Variants in SH3RF3 observed in about 807,000 individuals in gnomAD.
SH3RF3 encodes E3 ubiquitin-protein ligase SH3RF3.
SH3RF3 carries 29 observed loss-of-function variants against 66.3 expected under a neutral mutation model. The observed-to-expected ratio is 0.44, with a 90% CI of 0.33 to 0.60. SH3RF3 has a LOEUF of 0.60. Ranked by LOEUF, SH3RF3 falls within the 20% of genes least tolerant of loss-of-function variation. The pLI is 0.04. For missense variants in SH3RF3, 1,194 were observed against 1,190.9 expected (o/e 1.00, Z -0.04); for synonymous variants, 583 against 532.0 (o/e 1.10, Z -1.32).
chr2:109,196,931 G>A (rs774784603), intron 1 of SH3RF3, among the ~76,000 whole-genome samples: 2 of 152,158 alleles, frequency 1.3e-5, no homozygotes, highest in Admixed American at 6.6e-5. Flanking sequence ...TGAGTAGTGC[G>A]AAGGCTTCCC....
rs564853604 is a variant in SH3RF3, at chr2:109,502,195, GGGT to G, written c.*526_*528del. 6.6e-6 allele frequency: 1 copy of G among 152,630 alleles called. No individual in the cohort carries two copies. The highest frequency in any genetic ancestry group is 2.4e-5 in the African/African-American group (1 of 41,520). 9.5% of individuals were successfully genotyped at this position (152,630 alleles called of 1,614,324 possible). On this transcript the variant is annotated 3_prime_UTR_variant, in exon 10 of 10. Transcript: ENST00000309415. The stretch of plus-strand genomic sequence containing the variant: ...AGCAGGGGTGTTTGTGAGGCCCTGG[GGGT>G]GCCCCGGAAGGGGCACCCCACCGCC...
rs144089792 is a variant in SH3RF3, at chr2:109,166,408, C to T, written c.573+36295C>T. Among the ~76,000 whole-genome samples the T allele has an allele frequency of 6.6e-3, 936 of 141,910 alleles. 9 individuals carry two copies. The highest frequency in any genetic ancestry group is 0.023 in the African/African-American group (873 of 38,112). The allele number at this position is 141,910 out of a possible 152,430, so 93.1% of individuals were successfully genotyped here. On this transcript the variant is annotated intron_variant, in intron 1 of 9. Transcript: ENST00000309415. Reference sequence around the variant, plus strand: ...AGGAGAATCACTTGAACGTGGGAGGCGGAGGTTGTGGTGAGCTGAGATTGT... The same window carrying T: ...AGGAGAATCACTTGAACGTGGGAGGTGGAGGTTGTGGTGAGCTGAGATTGT...
rs970929864 is a variant in SH3RF3, at chr2:109,129,316, C to T, written c.-225C>T. ...CGCAGGCGCTGCGCTCAGGACTGGGCGGGCTCGGCTGGCCGGTCCCCGCCA... is the reference window on the plus strand; with the variant it reads ...CGCAGGCGCTGCGCTCAGGACTGGGTGGGCTCGGCTGGCCGGTCCCCGCCA... On this transcript the variant is annotated 5_prime_UTR_variant, in exon 1 of 10. Transcript: ENST00000309415. 8 of 750,546 alleles carry T rather than the reference C, an allele frequency of 1.1e-5. No homozygotes were observed. The highest frequency in any genetic ancestry group is 9.3e-5 in the African/African-American group (5 of 54,010). 46.5% of individuals were successfully genotyped at this position (750,546 alleles called of 1,614,324 possible).
At chr2:109,147,942 G>T (rs111688626) in intron 1 of SH3RF3, among the ~76,000 whole-genome samples, 5 of 152,118 alleles carry the variant, frequency 3.3e-5, no homozygotes, top group African/African-American at 7.2e-5. Flanking sequence ...GAAGAGTTTT[G>T]GGGACTAGCT....
At chr2:109,462,816 A>G (rs560180334) in intron 8 of SH3RF3, among the ~76,000 whole-genome samples, 4 of 152,304 alleles carry the variant, frequency 2.6e-5, no homozygotes, top group African/African-American at 4.8e-5. Flanking sequence ...GAAGGACATG[A>G]GATAAAACTC....
At position 109,490,530 on chromosome 2, in the gene SH3RF3, C is replaced by A. The variant is rs903574576; in HGVS notation, c.2149-75C>A. The A allele has an allele frequency of 2.5e-6, 3 of 1,187,596 alleles. No individual in the cohort carries two copies. In the Admixed American group the frequency reaches 1.0e-4, roughly 40 times the overall value. The allele number at this position is 1,187,596 out of a possible 1,614,324, so 73.6% of individuals were successfully genotyped here. On this transcript the variant is annotated intron_variant, in intron 8 of 9. Coordinates refer to ENST00000309415, the MANE Select transcript of SH3RF3 (RefSeq NM_001099289.3). ...AAATAAAGTTCCACATAGGAAGATG[C>A]ATTCCCCTCTCTCTGACAGCAAGGG...
intron 2 of SH3RF3, among the ~76,000 whole-genome samples, chr2:109,350,918 A>G (rs375677268): frequency 2.8e-4 from 42 of 152,374 alleles, no homozygotes; most frequent in African/African-American, 9.1e-4. Context: ...GCCTTTATAC[A>G]GCATCACTGT....
chr2:109,285,453 C>T lies in SH3RF3; in HGVS notation c.574-62221C>T, dbSNP rs534547071. 9.8e-5 allele frequency among the ~76,000 whole-genome samples: 15 copies of T among 152,296 alleles called. No homozygotes were observed. In the South Asian group the frequency reaches 2.9e-3, roughly 30 times the overall value. The stretch of plus-strand genomic sequence containing the variant: ...CTCCAGTGCAGTGTGCCTGCTGTGC[C>T]GTGCGTTTTTGTTAGTGTGTCTGGA... On this transcript the variant is annotated intron_variant, in intron 1 of 9. Transcript: ENST00000309415.
chr2:109,172,787 C>T (rs879626192), intron 1 of SH3RF3, among the ~76,000 whole-genome samples: 1 of 152,228 alleles, frequency 6.6e-6, no homozygotes, highest in African/African-American at 2.4e-5. Context: ...ATGTGGGTTA[C>T]GGAAGTGGTC....
chr2:109,477,140 A>G (rs1372008605), intron 8 of SH3RF3, among the ~76,000 whole-genome samples: 1 of 152,166 alleles, frequency 6.6e-6, no homozygotes, highest in Non-Finnish European at 1.5e-5. Flanking sequence ...CTGTGGTTCA[A>G]ACGCCTCTGA....
chr2:109,175,047 G>A (rs956022898), intron 1 of SH3RF3, among the ~76,000 whole-genome samples: 3 of 152,022 alleles, frequency 2.0e-5, no homozygotes, highest in Non-Finnish European at 2.9e-5. Flanking sequence ...TATTTGAGTC[G>A]CACAGCAAAA....
intron 8 of SH3RF3, among the ~76,000 whole-genome samples, chr2:109,468,698 A>T (rs1186597638): frequency 6.6e-6 from 1 of 151,742 alleles, no homozygotes; most frequent in Admixed American, 6.6e-5. Context: ...TATTAAAAAT[A>T]AAAAAATGAG....
intron 1 of SH3RF3, among the ~76,000 whole-genome samples, chr2:109,228,557 G>C (rs555453981): frequency 6.6e-6 from 1 of 152,308 alleles, no homozygotes; most frequent in African/African-American, 2.4e-5. Context: ...GGACCCTGCA[G>C]GTTAAGGGCT....
chr2:109,183,454 C>T (rs1314817378), intron 1 of SH3RF3, among the ~76,000 whole-genome samples: 2 of 152,196 alleles, frequency 1.3e-5, no homozygotes, highest in Admixed American at 1.3e-4. Context: ...TCAACTCCCA[C>T]ACAGTAAAGA....
At chr2:109,183,604 A>T (rs1294321135) in intron 1 of SH3RF3, among the ~76,000 whole-genome samples, 4 of 3,384 alleles carry the variant, frequency 1.2e-3, no homozygotes, top group Non-Finnish European at 1.8e-3. Context: ...TTTTGAGATA[A>T]AAAAAATGAG....
intron 1 of SH3RF3, among the ~76,000 whole-genome samples, chr2:109,276,689 G>T (rs995401468): frequency 6.6e-6 from 1 of 152,170 alleles, no homozygotes; most frequent in Non-Finnish European, 1.5e-5. Flanking sequence ...GTCAGATAGA[G>T]ACCCTTTTTG....
chr2:109,140,962 GC>G (rs1216058558), intron 1 of SH3RF3, among the ~76,000 whole-genome samples: 2 of 152,156 alleles, frequency 1.3e-5, no homozygotes, highest in Non-Finnish European at 2.9e-5. Flanking sequence ...TCCATCCGGG[GC>G]TGCTGTGAAC....
At chr2:109,337,713 A>T (rs1034601524) in intron 1 of SH3RF3, among the ~76,000 whole-genome samples, 3 of 151,296 alleles carry the variant, frequency 2.0e-5, no homozygotes, top group Non-Finnish European at 4.4e-5. Context: ...CTTGGTGGTC[A>T]AGTTTGTTTT....
chr2:109,306,754 G>A (rs1681607432), intron 1 of SH3RF3, among the ~76,000 whole-genome samples: 1 of 152,246 alleles, frequency 6.6e-6, no homozygotes, highest in African/African-American at 2.4e-5. Flanking sequence ...TCCACTAGGG[G>A]ATGGTGCAGG....
Sources: gnomAD v4.1 joint callset for allele counts (sites outside exome capture counted in the v4.1 genomes callset) on GRCh38, gnomAD v4.1.1 for gene constraint, MANE v1.5 for transcripts, NCBI Gene and HGNC (gene_info 2026-07-23, HGNC 2026-07-21) for gene names.